Variants in FAT3 observed in about 807,000 individuals in gnomAD.
The protein encoded by FAT3 is protocadherin Fat 3.
FAT3 carries 95 observed loss-of-function variants against 310.2 expected under a neutral mutation model. That is an observed-to-expected ratio of 0.31 (90% CI 0.26 to 0.36). The LOEUF is 0.36. Among genes scored for constraint, FAT3 ranks in the 10% least tolerant of loss-of-function variants. The pLI is 1.00. For synonymous variants in FAT3, 2,314 were observed against 2,192.9 expected (o/e 1.06, Z -1.54); for missense variants, 5,408 against 5,715.6 (o/e 0.95, Z 1.74).
At chr11:92,492,283 C>T (rs1484801659) in intron 2 of FAT3, among the ~76,000 whole-genome samples, 1 of 148,998 alleles carries the variant, frequency 6.7e-6, no homozygotes, top group African/African-American at 2.6e-5. Flanking sequence ...ATCCATCCAT[C>T]CATCCATTCA....
At chr11:92,306,327 G>A (rs1947113489) in intron 1 of FAT3, among the ~76,000 whole-genome samples, 1 of 150,506 alleles carries the variant, frequency 6.6e-6, no homozygotes, top group Non-Finnish European at 1.5e-5. Context: ...GGAATACTGG[G>A]GGTGCTCTTA....
intron 3 of FAT3, among the ~76,000 whole-genome samples, chr11:92,612,691 A>T (rs542528886): frequency 6.6e-6 from 1 of 152,210 alleles, no homozygotes; most frequent in Non-Finnish European, 1.5e-5. Flanking sequence ...GTACTGCAAC[A>T]TATAATTAAA....
intron 15 of FAT3, among the ~76,000 whole-genome samples, chr11:92,836,038 C>A (rs2136272361): frequency 6.6e-6 from 1 of 152,264 alleles, no homozygotes; most frequent in East Asian, 1.9e-4. Flanking sequence ...GAAGTGCACC[C>A]CTCAGGCCCA....
chr11:92,876,370 A>G lies in FAT3; in HGVS notation c.12128-4361A>G, dbSNP rs1362253874. Among the ~76,000 whole-genome samples the G allele has an allele frequency of 2.0e-5, 3 of 152,204 alleles. No individual in the cohort carries two copies. The East Asian group carries it at 5.8e-4, about 29-fold the overall frequency. Reference sequence around the variant, plus strand: ...GCTGCCTTCAACAATTTTCAACTCTATTAAAGTGAGCAATTTCCCAAAATG... The same window carrying G: ...GCTGCCTTCAACAATTTTCAACTCTGTTAAAGTGAGCAATTTCCCAAAATG... On this transcript the variant is annotated intron_variant, in intron 22 of 27. Transcript: ENST00000525166.
chr11:92,497,751 A>G (rs1238705398), intron 2 of FAT3, among the ~76,000 whole-genome samples: 1 of 152,072 alleles, frequency 6.6e-6, no homozygotes, highest in African/African-American at 2.4e-5. Flanking sequence ...GGTCTCACTT[A>G]AAAGCAAATT....
intron 2 of FAT3, among the ~76,000 whole-genome samples, chr11:92,402,731 CA>C (rs545875608): frequency 9.2e-4 from 114 of 123,840 alleles, no homozygotes; most frequent in Admixed American, 1.8e-3. Context: ...GACCCCCTCT[CA>C]AAAAAAAAAA....
intron 2 of FAT3, among the ~76,000 whole-genome samples, chr11:92,416,014 C>T (rs1950401894): frequency 1.4e-5 from 2 of 146,460 alleles, no homozygotes; most frequent in Non-Finnish European, 1.5e-5. Flanking sequence ...TTGTTTTAAA[C>T]CCTGTTCCAC....
intron 2 of FAT3, among the ~76,000 whole-genome samples, chr11:92,501,920 C>A (rs1242663215): frequency 6.6e-6 from 1 of 151,934 alleles, no homozygotes; most frequent in African/African-American, 2.4e-5. Flanking sequence ...GGATGCCATG[C>A]TTATGAACTC....
At chr11:92,880,706 C>G (rs530216946) in intron 22 of FAT3, 25 bp from the exon 23 acceptor site, 1 of 1,606,138 alleles carries the variant, frequency 6.2e-7, no homozygotes, top group Non-Finnish European at 8.5e-7. Context: ...GCATCCATGG[C>G]TCATGAGGTC....
At chr11:92,257,470 G>A (rs778652063) in intron 1 of FAT3, among the ~76,000 whole-genome samples, 12 of 152,084 alleles carry the variant, frequency 7.9e-5, no homozygotes, top group Non-Finnish European at 1.5e-4. Flanking sequence ...CTCTTGGGTC[G>A]GACATAATTA....
chr11:92,784,710 C>T (rs143673565), intron 7 of FAT3, among the ~76,000 whole-genome samples: 11 of 152,068 alleles, frequency 7.2e-5, no homozygotes, highest in African/African-American at 2.4e-4. Flanking sequence ...ACAAATGGCC[C>T]CGACTGTGGG....
chr11:92,430,511 G>GT (rs975523633), intron 2 of FAT3, among the ~76,000 whole-genome samples: 106 of 150,932 alleles, frequency 7.0e-4, no homozygotes, highest in African/African-American at 2.2e-3. Flanking sequence ...TTTGGATGGG[G>GT]TTTTTTTTTA....
intron 2 of FAT3, among the ~76,000 whole-genome samples, chr11:92,511,136 G>T (rs1484932316): frequency 6.6e-6 from 1 of 152,190 alleles, no homozygotes; most frequent in African/African-American, 2.4e-5. Context: ...TAGGCTTGAG[G>T]ATATTATCAT....
intron 2 of FAT3, among the ~76,000 whole-genome samples, chr11:92,517,973 A>T (rs1482418686): frequency 1.3e-5 from 2 of 152,198 alleles, no homozygotes; most frequent in African/African-American, 4.8e-5. Flanking sequence ...AGGAAATAAC[A>T]GATGCTGGAG....
Position 92,412,093 on chromosome 11 carries a change from CAT to C in FAT3, c.3292+56690_3292+56691del, listed in dbSNP as rs1288963595. On this transcript the variant is annotated intron_variant, in intron 2 of 27. Transcript: ENST00000525166. ...GAGTAGATGGGCATCTTATCCCCCA[CAT>C]GTTATTATTATTATTTATTATTTTT... Among the ~76,000 whole-genome samples, 6 of 151,966 alleles carry C rather than the reference CAT, an allele frequency of 3.9e-5. No individual in the cohort carries two copies. The East Asian group carries it at 1.2e-3, about 30-fold the overall frequency.
chr11:92,781,067 T>A (rs1946737988), intron 7 of FAT3, among the ~76,000 whole-genome samples: 1 of 142,370 alleles, frequency 7.0e-6, no homozygotes, highest in African/African-American at 2.6e-5. Flanking sequence ...TTTTTTCTTT[T>A]CTTTATTCTT....
At chr11:92,815,178 TG>T (rs1947790508) in intron 13 of FAT3, among the ~76,000 whole-genome samples, 1 of 152,052 alleles carries the variant, frequency 6.6e-6, no homozygotes, top group African/African-American at 2.4e-5. Context: ...GCTTCTGAAA[TG>T]AATTGGAACA....
chr11:92,291,080 TACAC>T (rs141883138), intron 1 of FAT3, among the ~76,000 whole-genome samples: 88 of 142,888 alleles, frequency 6.2e-4, no homozygotes, highest in South Asian at 5.0e-3. Flanking sequence ...CTTTTTATTC[TACAC>T]ACACACACAC....
chr11:92,283,943 A>C (rs960950353), intron 1 of FAT3, among the ~76,000 whole-genome samples: 1 of 152,098 alleles, frequency 6.6e-6, no homozygotes, highest in African/African-American at 2.4e-5. Flanking sequence ...TGGGACACAA[A>C]AGAATTCTGG....
Sources: allele counts gnomAD v4.1 joint callset (sites outside exome capture counted in the v4.1 genomes callset), GRCh38; gene constraint gnomAD v4.1.1; transcripts MANE v1.5; gene names NCBI Gene and HGNC (gene_info 2026-07-23, HGNC 2026-07-21).